Variants in EMCN observed in about 807,000 individuals in gnomAD.
EMCN encodes the protein endomucin.
EMCN carries 37 observed loss-of-function variants against 38.4 expected under a neutral mutation model. That is an observed-to-expected ratio of 0.96 (90% CI 0.74 to 1.27). The LOEUF (loss-of-function observed/expected upper bound fraction) is 1.27. Ranked by LOEUF, EMCN falls within the 50% of genes most tolerant of loss-of-function variation. The pLI is 0.00. For missense variants in EMCN, 318 were observed against 302.8 expected, an observed-to-expected ratio of 1.05 and a Z score of -0.37; for synonymous variants, 95 against 100.8, an observed-to-expected ratio of 0.94 and a Z score of 0.35.
At chr4:100,445,541 G>A (rs959342636) in intron 5 of EMCN, among the ~76,000 whole-genome samples, 4 of 152,110 alleles carry the variant, frequency 2.6e-5, no homozygotes, top group African/African-American at 9.7e-5. Flanking sequence ...TTATAGAAAG[G>A]AAACAGGACT....
At chr4:100,455,550 T>C (rs1313255822) in intron 4 of EMCN, among the ~76,000 whole-genome samples, 1 of 149,892 alleles carries the variant, frequency 6.7e-6, no homozygotes, top group African/African-American at 2.5e-5. Context: ...AGTTGTTTCA[T>C]TGTTTTCTGG....
chr4:100,423,946 A>AT (rs1355155933), intron 5 of EMCN, among the ~76,000 whole-genome samples: 2 of 152,034 alleles, frequency 1.3e-5, no homozygotes, highest in African/African-American at 4.8e-5. Flanking sequence ...AGCTGGTTTT[A>AT]TTATGTGCCT....
chr4:100,439,505 TTTTA>T (rs944676722), intron 5 of EMCN, among the ~76,000 whole-genome samples: 20 of 151,774 alleles, frequency 1.3e-4, no homozygotes, highest in African/African-American at 4.6e-4. Flanking sequence ...TAATTTATGA[TTTTA>T]TTTATTAGTC....
At chr4:100,480,800 T>G (rs1728786690) in intron 1 of EMCN, among the ~76,000 whole-genome samples, 1 of 151,976 alleles carries the variant, frequency 6.6e-6, no homozygotes, top group African/African-American at 2.4e-5. Context: ...AAATAAGGAT[T>G]CTTAAAACTT....
intron 3 of EMCN, among the ~76,000 whole-genome samples, chr4:100,466,314 A>T (rs1005413993): frequency 2.0e-5 from 3 of 152,150 alleles, no homozygotes; most frequent in Admixed American, 6.5e-5. Context: ...CTAGCTGGAG[A>T]TGAGGGGAAA....
At chr4:100,455,379 C>T (rs1050406981) in intron 4 of EMCN, among the ~76,000 whole-genome samples, 1 of 151,922 alleles carries the variant, frequency 6.6e-6, no homozygotes, top group African/African-American at 2.4e-5. Context: ...TTCTAATGTT[C>T]TTCATGCCTT....
At chr4:100,509,422 G>A (rs181542695) in intron 1 of EMCN, among the ~76,000 whole-genome samples, 8 of 152,294 alleles carry the variant, frequency 5.3e-5, no homozygotes, top group Non-Finnish European at 1.0e-4. Context: ...TAAAAAAGGT[G>A]AGTCCCACTT....
At chr4:100,511,939 T>G (rs571976282) in intron 1 of EMCN, among the ~76,000 whole-genome samples, 1 of 152,200 alleles carries the variant, frequency 6.6e-6, no homozygotes, top group Non-Finnish European at 1.5e-5. Flanking sequence ...TTCCCTCTTT[T>G]GTCAGGAGCT....
chr4:100,465,219 T>C (rs773787717), intron 4 of EMCN, among the ~76,000 whole-genome samples: 9 of 152,184 alleles, frequency 5.9e-5, no homozygotes, highest in Non-Finnish European at 1.0e-4. Context: ...TTAATCTTCC[T>C]TGTGACCCAT....
At chr4:100,446,508 T>G (rs537026998) in intron 5 of EMCN, among the ~76,000 whole-genome samples, 1 of 152,140 alleles carries the variant, frequency 6.6e-6, no homozygotes. Context: ...GTGTCACTCA[T>G]AATTTTTTTA....
At chr4:100,412,485 A>T (rs1286040205) in intron 10 of EMCN, among the ~76,000 whole-genome samples, 1 of 152,164 alleles carries the variant, frequency 6.6e-6, no homozygotes, top group African/African-American at 2.4e-5. Context: ...ATTTTTCTTT[A>T]TAATTTATAT....
At chr4:100,427,453 C>CTT (rs71594586) in intron 5 of EMCN, among the ~76,000 whole-genome samples, 14 of 97,226 alleles carry the variant, frequency 1.4e-4, no homozygotes, top group East Asian at 4.6e-4. Context: ...CTCTCTCTCT[C>CTT]TTTTTTTTTT....
intron 1 of EMCN, among the ~76,000 whole-genome samples, chr4:100,495,609 G>T (rs772285358): frequency 6.6e-6 from 1 of 151,962 alleles, no homozygotes; most frequent in Non-Finnish European, 1.5e-5. Flanking sequence ...ATATAAATAG[G>T]AGAAAACCAA....
At chr4:100,407,275 T>G (rs969957231) in intron 11 of EMCN, among the ~76,000 whole-genome samples, 9 of 152,168 alleles carry the variant, frequency 5.9e-5, no homozygotes, top group Admixed American at 1.3e-4. Context: ...TGTTGTTACC[T>G]GGCGTTACGT....
intron 5 of EMCN, among the ~76,000 whole-genome samples, chr4:100,436,780 A>G (rs1481818798): frequency 6.6e-6 from 1 of 152,288 alleles, no homozygotes; most frequent in East Asian, 1.9e-4. Flanking sequence ...CAAACACTGT[A>G]TGTTCTCACT....
At chr4:100,517,527 T>G (rs892569771) in intron 1 of EMCN, among the ~76,000 whole-genome samples, 7 of 152,114 alleles carry the variant, frequency 4.6e-5, no homozygotes, top group Non-Finnish European at 4.4e-5. Context: ...AGAATACATT[T>G]TTGAGAGAGA....
At chr4:100,400,133 T>C (rs576806829) in intron 11 of EMCN, among the ~76,000 whole-genome samples, 27 of 152,322 alleles carry the variant, frequency 1.8e-4, no homozygotes, top group African/African-American at 6.5e-4. Flanking sequence ...AAGCTGTTTA[T>C]AGTGAAGGAC....
intron 4 of EMCN, among the ~76,000 whole-genome samples, chr4:100,454,911 T>C (rs1277987502): frequency 6.6e-6 from 1 of 152,166 alleles, no homozygotes; most frequent in Non-Finnish European, 1.5e-5. Context: ...TTCCTGTCTT[T>C]TGTTTTTAAT....
At chr4:100,442,230 T>C (rs2110237839) in intron 5 of EMCN, among the ~76,000 whole-genome samples, 1 of 152,344 alleles carries the variant, frequency 6.6e-6, no homozygotes, top group Non-Finnish European at 1.5e-5. Flanking sequence ...TCTCTTGATC[T>C]GCAAGGTTTC....
Sources: allele counts gnomAD v4.1 joint callset (sites outside exome capture counted in the v4.1 genomes callset), GRCh38; gene constraint gnomAD v4.1.1; transcripts MANE v1.5; gene names NCBI Gene and HGNC (gene_info 2026-07-23, HGNC 2026-07-21).